SPTAN1: variants seen among roughly 807,000 people sequenced by gnomAD.
SPTAN1 encodes spectrin alpha, non-erythrocytic 1, also known as spectrin alpha chain, non-erythrocytic 1.
In SPTAN1, 61 loss-of-function variants were observed where a neutral mutation model predicts 331.3. The observed-to-expected ratio is 0.18, with a 90% CI of 0.15 to 0.23. The LOEUF is 0.23. SPTAN1 is among the 10% of genes least tolerant of loss of function. The pLI, the probability that SPTAN1 is intolerant of heterozygous loss-of-function variation, is 1.00. For missense variants in SPTAN1, 2,043 were observed against 3,147.9 expected, an observed-to-expected ratio of 0.65 and a Z score of 8.40; for synonymous variants, 1,153 against 1,173.9, an observed-to-expected ratio of 0.98 and a Z score of 0.36.
At chr9:128,557,180 C>T (rs1010785516) in intron 1 of SPTAN1, among the ~76,000 whole-genome samples, 12 of 152,176 alleles carry the variant, frequency 7.9e-5, no homozygotes, top group African/African-American at 2.9e-4. Context: ...CCTAAAAATC[C>T]CTTTCTTGCA....
intron 41 of SPTAN1, among the ~76,000 whole-genome samples, chr9:128,616,159 T>G (rs1489969955): frequency 6.6e-6 from 1 of 152,048 alleles, no homozygotes; most frequent in Non-Finnish European, 1.5e-5. Flanking sequence ...TTTTTCTTAT[T>G]CTCTATCTGT....
intron 46 of SPTAN1, chr9:128,624,820 C>G (rs113605698): frequency 5.7e-4 from 324 of 572,330 alleles, no homozygotes; most frequent in African/African-American, 5.1e-3. Context: ...CCACCCAGCT[C>G]CTGGGTGAGG....
chr9:128,575,579 T>A (rs947069723), intron 5 of SPTAN1, among the ~76,000 whole-genome samples: 2 of 152,242 alleles, frequency 1.3e-5, no homozygotes, highest in African/African-American at 4.8e-5. Context: ...ATCTGTTTCC[T>A]CTACCCACTT....
chr9:128,583,124 G>A lies in SPTAN1; in HGVS notation c.1854G>A (p.Glu618=). 2 of 1,614,150 alleles carry A rather than the reference G, an allele frequency of 1.2e-6. No homozygotes were observed. The highest frequency in any genetic ancestry group is 1.7e-5 in the Admixed American group (1 of 60,030). Residue 618 remains glutamate (E), a synonymous_variant, in exon 15 of 57, where the codon GAG becomes GAA. Coordinates refer to ENST00000372739, the MANE Select transcript of SPTAN1 (RefSeq NM_001130438.3). ...QGKVQKHQAF[E]AELSANQSRI... is the part of the protein sequence containing the mutation. ...AAGTACAGAAGCATCAGGCTTTTGA[G>A]GCTGAGCTCTCAGCAAACCAGAGCC...
In SPTAN1 at chr9:128,613,471, A is replaced by G. The variant is rs1856788242; in HGVS notation, c.5134A>G (p.Ile1712Val). Residue 1712 changes from isoleucine to valine, a missense_variant, in exon 40 of 57, where the codon ATA becomes GTA. Physicochemically the swap from Ile to Val is conservative, Grantham distance 29. This residue lies in a region of SPTAN1 where 323 missense variants were observed against 581.1 expected (regional missense o/e 0.56). Coordinates refer to ENST00000372739, the MANE Select transcript of SPTAN1 (RefSeq NM_001130438.3). ...LKKHQLLEAD[I>V]SAHEDRLKDL... The stretch of plus-strand genomic sequence containing the variant: ...AAAGCATCAACTGCTGGAAGCAGAT[A>G]TATCTGCCCATGAGGTAAGCAAAGG... 2.5e-6 allele frequency: 4 copies of G among 1,614,082 alleles called. No individual in the cohort carries two copies. The highest frequency in any genetic ancestry group is 1.7e-5 in the Admixed American group (1 of 60,012).
At chr9:128,559,773 C>T (rs1197859995) in intron 1 of SPTAN1, among the ~76,000 whole-genome samples, 2 of 149,846 alleles carry the variant, frequency 1.3e-5, no homozygotes, top group African/African-American at 4.9e-5. Context: ...GCTTTTTCGT[C>T]GCCCAGGCTA....
intron 29 of SPTAN1, 56 bp downstream of exon 29, chr9:128,604,473 G>C: frequency 6.5e-7 from 1 of 1,542,006 alleles, no homozygotes; most frequent in Non-Finnish European, 8.8e-7. Flanking sequence ...CTGGTTTCCT[G>C]ACAGCCCCCA....
chr9:128,571,840 CACT>C (rs2130915354), intron 3 of SPTAN1, among the ~76,000 whole-genome samples: 1 of 152,132 alleles, frequency 6.6e-6, no homozygotes, highest in African/African-American at 2.4e-5. Flanking sequence ...GTCCAGTCAC[CACT>C]ATTTGTTTTA....
intron 40 of SPTAN1, among the ~76,000 whole-genome samples, chr9:128,614,733 C>T (rs1207385115): frequency 6.6e-6 from 1 of 152,098 alleles, no homozygotes; most frequent in Non-Finnish European, 1.5e-5. Flanking sequence ...GTGTCATGAT[C>T]ACACCACCGC....
At chr9:128,631,769 G>T (rs1033317092) in intron 52 of SPTAN1, 1 of 278,630 alleles carries the variant, frequency 3.6e-6, no homozygotes, top group South Asian at 4.0e-5. Flanking sequence ...TGCAGTGAGC[G>T]TGATTGCGCC....
rs558154123 is a variant in SPTAN1 at position 128,607,590 on chromosome 9, G to A, written c.4047-14G>A. The A allele has an allele frequency of 1.1e-5, 17 of 1,609,098 alleles. No individual in the cohort carries two copies. The highest frequency in any genetic ancestry group is 5.0e-5 in the Admixed American group (3 of 59,960). On this transcript the variant is annotated splice_polypyrimidine_tract_variant and intron_variant, in intron 31 of 56. Transcript: ENST00000372739. ...GTAATATAATAGCTATTTTTCTGGG[G>A]TGCTGGTTTCCAGGGACCTCATGTC...
At position 128,583,944 on chromosome 9, in the gene SPTAN1, T is replaced by A. The variant is rs752892851; in HGVS notation, c.2168T>A (p.Leu723Gln). ...VQNLQKKHAL[L>Q]EADVAAHQDR... ...AACCTCCAGAAGAAACATGCACTGC[T>A]AGAGGCAGATGTGGCTGCTCACCAG... Residue 723 changes from leucine to glutamine, a missense_variant, in exon 16 of 57, where the codon CTA (leucine) becomes CAA (glutamine). Physicochemically the swap from Leu to Gln is moderately radical, Grantham distance 113. Coordinates refer to ENST00000372739, the MANE Select transcript of SPTAN1 (RefSeq NM_001130438.3). 2 of 1,614,192 alleles carry A rather than the reference T, an allele frequency of 1.2e-6. No individual in the cohort carries two copies. The highest frequency in any genetic ancestry group is 1.7e-5 in the Admixed American group (1 of 60,016).
intron 1 of SPTAN1, among the ~76,000 whole-genome samples, chr9:128,554,115 C>A (rs1848408545): frequency 6.6e-6 from 1 of 152,126 alleles, no homozygotes; most frequent in Admixed American, 6.5e-5. Flanking sequence ...GCAGTAAAGG[C>A]CTCTGTGCAG....
intron 40 of SPTAN1, among the ~76,000 whole-genome samples, chr9:128,614,613 C>A (rs529592062): frequency 4.0e-5 from 6 of 149,414 alleles, no homozygotes; most frequent in Admixed American, 2.0e-4. Flanking sequence ...AAAAAAAACA[C>A]AAAAATTAAT....
intron 1 of SPTAN1, among the ~76,000 whole-genome samples, chr9:128,560,079 C>G (rs1849119616): frequency 9.6e-6 from 1 of 103,964 alleles, no homozygotes; most frequent in African/African-American, 3.7e-5. Context: ...CCACATCCAC[C>G]TCACCTTTTT....
At chr9:128,624,282 C>A (rs1347596986) in intron 45 of SPTAN1, 46 bp from the exon 46 acceptor site, 2 of 1,612,092 alleles carry the variant, frequency 1.2e-6, no homozygotes, top group East Asian at 2.2e-5. Context: ...GTCAGGTAAC[C>A]ACAGCAGGTA....
rs767158342 is a variant in SPTAN1 at position 128,591,631 on chromosome 9, G to C, written c.3155+6G>C. On this transcript the variant is annotated splice_donor_region_variant and intron_variant, in intron 22 of 56. Transcript: ENST00000372739. ...CAGGAGCAGATTGACAATCAGTAAG[G>C]ATGACACTGGGGGCCGCAAGGGCTA... The C allele has an allele frequency of 6.2e-7, 1 of 1,613,804 alleles. No homozygotes were observed. The highest frequency in any genetic ancestry group is 1.1e-5 in the South Asian group (1 of 91,060).
At position 128,617,747 on chromosome 9, in the gene SPTAN1, A is replaced by C; in HGVS notation, c.5465A>C (p.Glu1822Ala). The change falls in exon 42 of 57, where the codon GAG becomes GCG. Residue 1822 changes from glutamate (E) to alanine (A), a missense_variant. By Grantham distance (107) the Glu-to-Ala change is moderately radical. This residue lies in a region of SPTAN1 where 323 missense variants were observed against 581.1 expected (regional missense o/e 0.56). Coordinates refer to ENST00000372739, the MANE Select transcript of SPTAN1 (RefSeq NM_001130438.3). Reference sequence around the variant, plus strand: ...CTGGAAGCAGAACTGGCTGCGCATGAGCCGGCTATTCAGGTAAGGAGGCCG... The same window carrying C: ...CTGGAAGCAGAACTGGCTGCGCATGCGCCGGCTATTCAGGTAAGGAGGCCG... The part of the protein sequence containing the change: ...KRLEAELAAH[E>A]PAIQGVLDTG... The C allele has an allele frequency of 6.2e-7, 1 of 1,614,070 alleles. No individual in the cohort carries two copies. Among genetic ancestry groups the C allele is most frequent in the Non-Finnish European group, 8.5e-7 (1 of 1,180,008 alleles).
chr9:128,619,097 TTAC>T, intron 44 of SPTAN1, 94 bp downstream of exon 44: 2 of 1,573,846 alleles, frequency 1.3e-6, no homozygotes, highest in Non-Finnish European at 1.7e-6. Flanking sequence ...GGCCCTGCTC[TTAC>T]TAGGAGAGCA....
Sources: gnomAD v4.1 joint callset for allele counts (sites outside exome capture counted in the v4.1 genomes callset) on GRCh38, gnomAD v4.1.1 for gene constraint, gnomAD v4.1.1 regional missense constraint, MANE v1.5 for transcripts, NCBI Gene and HGNC (gene_info 2026-07-23, HGNC 2026-07-21) for gene names.